Variants in TENM4 observed in about 807,000 individuals in gnomAD.
TENM4 encodes teneurin transmembrane protein 4.
In TENM4, 82 loss-of-function variants were observed where a neutral mutation model predicts 243.3. The ratio of observed to expected loss-of-function variants is 0.34; its 90% confidence interval spans 0.28 to 0.40. The LOEUF is 0.40. Among genes scored for constraint, TENM4 ranks in the 10% least tolerant of loss-of-function variants. The pLI, the probability that TENM4 is intolerant of heterozygous loss-of-function variation, is 1.00. For missense variants in TENM4, 3,138 were observed against 3,673.3 expected, an observed-to-expected ratio of 0.85 and a Z score of 3.77; for synonymous variants, 1,412 against 1,456.3, an observed-to-expected ratio of 0.97 and a Z score of 0.69.
chr11:78,816,463 G>A (rs777933556), intron 12 of TENM4, among the ~76,000 whole-genome samples: 1 of 152,224 alleles, frequency 6.6e-6, no homozygotes, highest in Non-Finnish European at 1.5e-5. Flanking sequence ...TCTAGCTATG[G>A]GTTCACTGGA....
intron 9 of TENM4, among the ~76,000 whole-genome samples, chr11:78,871,013 C>G (rs184948340): frequency 2.3e-4 from 35 of 152,258 alleles, no homozygotes; most frequent in Non-Finnish European, 4.3e-4. Context: ...GTTGGCCACC[C>G]CCCACCAACC....
chr11:78,953,747 A>G (rs1480075175), intron 6 of TENM4, among the ~76,000 whole-genome samples: 2 of 152,220 alleles, frequency 1.3e-5, no homozygotes, highest in African/African-American at 4.8e-5. Flanking sequence ...GCCATTTTAT[A>G]TCAGGGCTTG....
chr11:79,053,542 A>G (rs57718198), intron 6 of TENM4, among the ~76,000 whole-genome samples: 11,626 of 152,220 alleles, frequency 0.076, 1,473 homozygotes, highest in African/African-American at 0.26. Flanking sequence ...TTAATCTCAC[A>G]GGCTTTAGCC....
At chr11:78,864,766 C>T (rs1224692327) in intron 9 of TENM4, among the ~76,000 whole-genome samples, 2 of 152,336 alleles carry the variant, frequency 1.3e-5, no homozygotes, top group East Asian at 1.9e-4. Context: ...ATGTAACATT[C>T]ACTCCTTTGC....
chr11:79,227,956 C>T (rs1238899822), intron 2 of TENM4, among the ~76,000 whole-genome samples: 4 of 152,130 alleles, frequency 2.6e-5, no homozygotes, highest in African/African-American at 7.2e-5. Context: ...TAGCATTGTC[C>T]TTCTAAACCC....
Position 78,702,365 on chromosome 11 carries a change from T to G in TENM4, c.4248A>C (p.Pro1416=). ...CGAGGACATAAAGTGAGTTGTCCAT[T>G]GGGTTGATGGCTAAGTCTGTGGGCC... is the stretch of plus-strand genomic sequence containing the variant. ...LEWPTDLAIN[P]MDNSLYVLDN... Residue 1416 remains proline, a synonymous_variant, in exon 28 of 34, where the codon CCA becomes CCC. Transcript: ENST00000278550. The G allele has an allele frequency of 6.2e-7, 1 of 1,613,748 alleles. No individual in the cohort carries two copies. Among genetic ancestry groups the G allele is most frequent in the South Asian group, 1.1e-5 (1 of 91,078 alleles).
intron 28 of TENM4, 70 bp downstream of exon 28, chr11:78,701,456 T>C (rs1859100570): frequency 6.8e-6 from 10 of 1,470,214 alleles, no homozygotes; most frequent in Non-Finnish European, 7.3e-6. Flanking sequence ...AAATACTCGA[T>C]CAATTTACCT....
intron 1 of TENM4, among the ~76,000 whole-genome samples, chr11:79,366,745 C>T (rs568184799): frequency 1.3e-5 from 2 of 152,322 alleles, no homozygotes; most frequent in African/African-American, 4.8e-5. Flanking sequence ...TATATTCTTT[C>T]TTGTGTTTCT....
rs367747867 is a variant in TENM4 at position 79,404,109 on chromosome 11, T to C, written c.-321+36400A>G. Among the ~76,000 whole-genome samples, 9 of 152,360 alleles carry C rather than the reference T, an allele frequency of 5.9e-5. No homozygotes were observed. The South Asian group carries it at 1.2e-3, about 21-fold the overall frequency. ...AAGCTGCTGCCCTCATGGCAAAGCT[T>C]CTTACAAAGGGTCCTCATCTGGACT... is the stretch of plus-strand genomic sequence containing the variant. On this transcript the variant is annotated intron_variant, in intron 1 of 33. Coordinates refer to ENST00000278550, the MANE Select transcript of TENM4 (RefSeq NM_001098816.3).
At chr11:78,962,482 C>A (rs1170027238) in intron 6 of TENM4, among the ~76,000 whole-genome samples, 2 of 150,070 alleles carry the variant, frequency 1.3e-5, no homozygotes, top group Admixed American at 6.7e-5. Context: ...ACGGGGCGAT[C>A]TACTGCACAC....
In TENM4 at chr11:79,138,001, G is replaced by A. The variant is rs143239210; in HGVS notation, c.-66+10709C>T. ...TGATCCTGGGTGTGTGTGTGAGGGT[G>A]TTGCCAAAGGAGGTTAATATTTGAG... On this transcript the variant is annotated intron_variant, in intron 4 of 33. Coordinates refer to ENST00000278550, the MANE Select transcript of TENM4 (RefSeq NM_001098816.3). Among the ~76,000 whole-genome samples, 155 of 151,986 alleles carry A rather than the reference G, an allele frequency of 1.0e-3. 1 individual carries two copies. Among genetic ancestry groups the A allele is most frequent in the African/African-American group, 3.6e-3 (150 of 41,468 alleles).
chr11:79,420,204 A>T (rs1432113022), intron 1 of TENM4, among the ~76,000 whole-genome samples: 1 of 152,192 alleles, frequency 6.6e-6, no homozygotes, highest in African/African-American at 2.4e-5. Flanking sequence ...AACATGTTAA[A>T]TCCTTACTCT....
intron 3 of TENM4, among the ~76,000 whole-genome samples, chr11:79,196,018 T>G (rs1445809826): frequency 6.6e-6 from 1 of 152,160 alleles, no homozygotes; most frequent in Non-Finnish European, 1.5e-5. Flanking sequence ...CCTCACGAGA[T>G]CTGATGGGTT....
chr11:79,211,395 T>C (rs1174610752), intron 3 of TENM4, among the ~76,000 whole-genome samples: 1 of 152,210 alleles, frequency 6.6e-6, no homozygotes, highest in Non-Finnish European at 1.5e-5. Flanking sequence ...TCACCTTTTA[T>C]ACCCACAGTT....
intron 4 of TENM4, among the ~76,000 whole-genome samples, chr11:79,137,582 G>C (rs1862135101): frequency 6.6e-6 from 1 of 152,292 alleles, no homozygotes; most frequent in East Asian, 1.9e-4. Context: ...TTACAACCGC[G>C]TGACCAGCTG....
intron 6 of TENM4, among the ~76,000 whole-genome samples, chr11:79,009,758 T>A (rs556586704): frequency 6.6e-6 from 1 of 152,178 alleles, no homozygotes; most frequent in African/African-American, 2.4e-5. Context: ...TAGTCTGGCA[T>A]CCAAGCCTCC....
intron 10 of TENM4, among the ~76,000 whole-genome samples, chr11:78,862,678 C>A (rs888022951): frequency 2.6e-5 from 4 of 152,178 alleles, no homozygotes; most frequent in African/African-American, 9.7e-5. Flanking sequence ...ATGGCCACCC[C>A]AGCAGTGTGA....
chr11:78,814,311 C>A lies in TENM4; in HGVS notation c.1766G>T (p.Gly589Val). The part of the protein sequence containing the change: ...GTCHCFLGFL[G>V]PDCGRASCPV... ...GTTCTCACCTCTGCCACAGTCGGGGCCCAGGAAACCCAGGAAGCAGTGGCA... is the reference window on the plus strand; with the variant it reads ...GTTCTCACCTCTGCCACAGTCGGGGACCAGGAAACCCAGGAAGCAGTGGCA... The change falls in exon 13 of 34, where the codon GGC (glycine) becomes GTC (valine). Residue 589 changes from glycine (G) to valine (V), a missense_variant. By Grantham distance (109) the Gly-to-Val change is moderately radical. Transcript: ENST00000278550. The A allele has an allele frequency of 6.5e-7, 1 of 1,550,034 alleles. No individual in the cohort carries two copies. The highest frequency in any genetic ancestry group is 2.5e-5 in the East Asian group (1 of 40,702).
chr11:79,010,066 T>C (rs1255625448), intron 6 of TENM4, among the ~76,000 whole-genome samples: 1 of 152,110 alleles, frequency 6.6e-6, no homozygotes, highest in Non-Finnish European at 1.5e-5. Flanking sequence ...TCCTCCATGA[T>C]TGTGAGGACT....
Sources: gnomAD v4.1 joint callset for allele counts (sites outside exome capture counted in the v4.1 genomes callset) on GRCh38, gnomAD v4.1.1 for gene constraint, MANE v1.5 for transcripts, NCBI Gene and HGNC (gene_info 2026-07-23, HGNC 2026-07-21) for gene names.